The following UNC5C variants were observed in gnomAD, a reference collection of about 807,000 sequenced individuals.
UNC5C encodes unc-5 netrin receptor C, also known as netrin receptor UNC5C.
A neutral mutation model predicts 99.8 loss-of-function variants in UNC5C; 47 were observed. The observed-to-expected ratio is 0.47, with a 90% CI of 0.37 to 0.60. The LOEUF (loss-of-function observed/expected upper bound fraction) is 0.60, where lower values mean the gene tolerates loss of function less well. Among genes scored for constraint, UNC5C ranks in the 20% least tolerant of loss-of-function variants. UNC5C has a pLI of 0.00. For missense variants in UNC5C, 1,062 were observed against 1,165.9 expected (o/e 0.91, Z 1.30); for synonymous variants, 487 against 452.2 (o/e 1.08, Z -0.98).
intron 1 of UNC5C, among the ~76,000 whole-genome samples, chr4:95,529,830 G>T (rs17451294): frequency 6.6e-6 from 1 of 152,144 alleles, no homozygotes; most frequent in East Asian, 1.9e-4. Flanking sequence ...CTAATGTCAG[G>T]CTTAGTTTAA....
rs141011756 is a variant in UNC5C at position 95,467,863 on chromosome 4, T to A, written c.124+80871A>T. Among the ~76,000 whole-genome samples, 391 of 152,250 alleles carry A rather than the reference T, an allele frequency of 2.6e-3. 3 individuals carry two copies. Among genetic ancestry groups the A allele is most frequent in the African/African-American group, 9.0e-3 (372 of 41,550 alleles). The stretch of plus-strand genomic sequence containing the variant: ...TATACTTTATACTGTATTTTTACAA[T>A]AAGGAAAGCTAGAGAAAAGAAAATA... On this transcript the variant is annotated intron_variant, in intron 1 of 15. Coordinates refer to ENST00000453304, the MANE Select transcript of UNC5C (RefSeq NM_003728.4).
intron 10 of UNC5C, among the ~76,000 whole-genome samples, chr4:95,213,956 T>A (rs773671635): frequency 6.6e-6 from 1 of 152,210 alleles, no homozygotes; most frequent in Non-Finnish European, 1.5e-5. Flanking sequence ...CAGAAAAGCC[T>A]GAGTCTGAAT....
chr4:95,369,787 C>T (rs776540633), intron 1 of UNC5C, among the ~76,000 whole-genome samples: 17 of 151,964 alleles, frequency 1.1e-4, no homozygotes, highest in Non-Finnish European at 2.4e-4. Flanking sequence ...AAAGTTTCGA[C>T]TACAGCGGTA....
At chr4:95,338,229 A>T (rs1743422194) in intron 1 of UNC5C, among the ~76,000 whole-genome samples, 1 of 152,016 alleles carries the variant, frequency 6.6e-6, no homozygotes, top group Non-Finnish European at 1.5e-5. Context: ...TACTAAAAGA[A>T]CACTTTCTGA....
intron 12 of UNC5C, among the ~76,000 whole-genome samples, chr4:95,190,756 C>T (rs530230909): frequency 6.6e-6 from 1 of 152,270 alleles, no homozygotes; most frequent in African/African-American, 2.4e-5. Flanking sequence ...AGGCCACCTG[C>T]CTCAGAGCCC....
intron 1 of UNC5C, among the ~76,000 whole-genome samples, chr4:95,348,858 C>T (rs1743876618): frequency 6.6e-6 from 1 of 151,142 alleles, no homozygotes; most frequent in Non-Finnish European, 1.5e-5. Context: ...GTGTAACAAG[C>T]CAGGTACAGA....
chr4:95,473,804 T>A (rs957868441), intron 1 of UNC5C, among the ~76,000 whole-genome samples: 1 of 152,062 alleles, frequency 6.6e-6, no homozygotes, highest in Admixed American at 6.6e-5. Context: ...AGAGGGGAGA[T>A]GGTAGCTATA....
intron 1 of UNC5C, among the ~76,000 whole-genome samples, chr4:95,423,018 A>C (rs1014545081): frequency 6.6e-6 from 1 of 152,222 alleles, no homozygotes; most frequent in South Asian, 2.1e-4. Context: ...CATTATTATT[A>C]AATATACATA....
rs182393079 is a variant in UNC5C, at chr4:95,467,882, G to T, written c.124+80852C>A. Among the ~76,000 whole-genome samples the T allele has an allele frequency of 1.9e-3, 292 of 152,146 alleles. No homozygotes were observed. In the Middle Eastern group the frequency reaches 0.037, roughly 19 times the overall value. ...TTACAATAAGGAAAGCTAGAGAAAA[G>T]AAAATATTATTAAGAGCATCATAAG... On this transcript the variant is annotated intron_variant, in intron 1 of 15. Coordinates refer to ENST00000453304, the MANE Select transcript of UNC5C (RefSeq NM_003728.4).
intron 1 of UNC5C, among the ~76,000 whole-genome samples, chr4:95,442,562 G>A (rs1287975494): frequency 6.6e-6 from 1 of 151,664 alleles, no homozygotes; most frequent in African/African-American, 2.4e-5. Context: ...CAACTCCTGG[G>A]CTCAAGCAGT....
intron 1 of UNC5C, among the ~76,000 whole-genome samples, chr4:95,402,489 A>G (rs775068980): frequency 6.6e-6 from 1 of 152,242 alleles, no homozygotes; most frequent in Non-Finnish European, 1.5e-5. Flanking sequence ...ATAAAAGTGC[A>G]TAATAATGGT....
At chr4:95,503,322 C>A (rs1360977274) in intron 1 of UNC5C, among the ~76,000 whole-genome samples, 1 of 152,116 alleles carries the variant, frequency 6.6e-6, no homozygotes, top group Non-Finnish European at 1.5e-5. Flanking sequence ...TTGAACTTCC[C>A]ACCCTTCAGA....
intron 4 of UNC5C, among the ~76,000 whole-genome samples, chr4:95,267,295 C>T (rs1229944056): frequency 6.6e-6 from 1 of 152,164 alleles, no homozygotes; most frequent in East Asian, 1.9e-4. Flanking sequence ...CCTGGAATGT[C>T]TGACACTAGG....
chr4:95,320,854 A>G (rs1198825146), intron 2 of UNC5C, among the ~76,000 whole-genome samples: 1 of 152,204 alleles, frequency 6.6e-6, no homozygotes, highest in Non-Finnish European at 1.5e-5. Flanking sequence ...CAGTGCTTTC[A>G]TCTTCACTGT....
chr4:95,396,922 G>C (rs1190700262), intron 1 of UNC5C, among the ~76,000 whole-genome samples: 1 of 151,754 alleles, frequency 6.6e-6, no homozygotes, highest in African/African-American at 2.4e-5. Context: ...TACAGGTAGG[G>C]GAATCAAAGC....
intron 1 of UNC5C, among the ~76,000 whole-genome samples, chr4:95,458,680 A>T (rs1167778135): frequency 6.6e-6 from 1 of 152,080 alleles, no homozygotes; most frequent in Non-Finnish European, 1.5e-5. Context: ...CACAGGTAAT[A>T]GGTACTTATG....
chr4:95,171,177 A>T (rs910251329), intron 14 of UNC5C, among the ~76,000 whole-genome samples: 1 of 152,114 alleles, frequency 6.6e-6, no homozygotes, highest in Non-Finnish European at 1.5e-5. Flanking sequence ...CAATAAAAGA[A>T]AATCTACTTA....
intron 1 of UNC5C, among the ~76,000 whole-genome samples, chr4:95,493,451 T>C (rs1381687806): frequency 2.0e-5 from 3 of 151,512 alleles, no homozygotes; most frequent in Non-Finnish European, 3.0e-5. Context: ...GTGTACACTC[T>C]ATTTTTAAAG....
intron 11 of UNC5C, among the ~76,000 whole-genome samples, chr4:95,206,103 C>T (rs1387283446): frequency 3.3e-5 from 5 of 151,474 alleles, no homozygotes; most frequent in African/African-American, 1.2e-4. Context: ...CGGGTTCAAG[C>T]GGTTCTCCTG....
Sources: allele counts gnomAD v4.1 joint callset (sites outside exome capture counted in the v4.1 genomes callset), GRCh38; gene constraint gnomAD v4.1.1; transcripts MANE v1.5; gene names NCBI Gene and HGNC (gene_info 2026-07-23, HGNC 2026-07-21).